CGB7: variants seen among roughly 807,000 people sequenced by gnomAD.
The protein encoded by CGB7 is chorionic gonadotropin subunit beta 7.
In CGB7, 6 loss-of-function variants were observed where a neutral mutation model predicts 7.3. The ratio of observed to expected loss-of-function variants is 0.82; its 90% CI spans 0.45 to 1.62. The LOEUF (loss-of-function observed/expected upper bound fraction) is 1.62, where lower values mean the gene tolerates loss of function less well. Among genes scored for constraint, CGB7 ranks in the 40% most tolerant of loss-of-function variants. CGB7 has a pLI of 0.01. For synonymous variants in CGB7, 47 were observed against 100.8 expected (o/e 0.47, Z 3.20); for missense variants, 114 against 236.2 (o/e 0.48, Z 3.39).
chr19:49,055,072 C>T (rs1380026643), intron 3 of CGB7, 64 bp from the exon 4 acceptor site: 8 of 1,600,294 alleles, frequency 5.0e-6, no homozygotes, highest in Admixed American at 1.7e-5. Context: ...GCCTTCCCAT[C>T]CCCCAGGGTA....
rs1282938672 is a variant in CGB7 at position 49,054,322 on chromosome 19, C to T, written c.467G>A (p.Gly156Glu). 2 of 1,609,008 alleles carry T rather than the reference C, an allele frequency of 1.2e-6. No homozygotes were observed. The highest frequency in any genetic ancestry group is 1.7e-6 in the Non-Finnish European group (2 of 1,178,408). The change falls in exon 5 of 5, where the codon GGG becomes GAG. Residue 156 changes from glycine (G) to glutamate (E), a missense_variant. Physicochemically the swap from Gly to Glu is moderately conservative, Grantham distance 98. Around this residue, in one of 3 missense-constraint regions of CGB7, gnomAD observed 20 missense variants for 18.4 expected, o/e 1.08. Coordinates refer to ENST00000684222, the MANE Select transcript of CGB7 (RefSeq NM_001385261.1). ...TGGGAGGATCGGGGTGTCTGAGGGC[C>T]CCGGGAGTCGGGATGGACTTGGAAG... The part of the protein sequence containing the change: ...PSLPSPSRLP[G>E]PSDTPILPQ
chr19:49,055,402 C>T lies in CGB7; in HGVS notation c.-27G>A, dbSNP rs185438033. The T allele has an allele frequency of 2.9e-5, 47 of 1,613,524 alleles. No homozygotes were observed. The East Asian group carries it at 1.0e-3, about 34-fold the overall frequency. On this transcript the variant is annotated 5_prime_UTR_variant, in exon 3 of 5. Coordinates refer to ENST00000684222, the MANE Select transcript of CGB7 (RefSeq NM_001385261.1). ...CTTGGTGCGTCCCCTGCCTGGTGTA[C>T]CTGGCTTTATACCTCGGGTTTGTGG...
chr19:49,055,284 C>A, intron 3 of CGB7, 77 bp downstream of exon 3: 1 of 1,608,256 alleles, frequency 6.2e-7, no homozygotes, highest in Admixed American at 1.7e-5. Context: ...TTCCACAGCT[C>A]ACACTGGTCT....
Position 49,055,924 on chromosome 19 carries a change from C to T in CGB7, c.-549G>A. The T allele has an allele frequency of 9.1e-7, 1 of 1,098,722 alleles. No homozygotes were observed. Among genetic ancestry groups the T allele is most frequent in the Non-Finnish European group, 1.1e-6 (1 of 894,156 alleles). The allele number at this position is 1,098,722 out of a possible 1,614,324, so 68.1% of individuals were successfully genotyped here. A position where few individuals can be genotyped will look rare whatever the true frequency, so the allele number is the denominator to read the frequency against. On this transcript the variant is annotated 5_prime_UTR_variant, in exon 3 of 5. Transcript: ENST00000684222. ...GGATTCAGCCCGAGCCCCACCTCTC[C>T]CTTAGGAACCTCCGCCCACCCTACC...
chr19:49,057,298 C>G, intron 1 of CGB7, 50 bp from the exon 2 acceptor site: 2 of 1,499,362 alleles, frequency 1.3e-6, no homozygotes, highest in East Asian at 2.5e-5. Context: ...ATTTCATACC[C>G]CATCCCAAGT....
In CGB7 at chr19:49,054,414, G is replaced by A. The variant is rs1267985594; in HGVS notation, c.375C>T (p.Asp125=). 1 of 1,597,148 alleles carries A rather than the reference G, an allele frequency of 6.3e-7. No individual in the cohort carries two copies. The highest frequency in any genetic ancestry group is 1.4e-5 in the African/African-American group (1 of 74,002). The change falls in exon 5 of 5, where the codon GAC becomes GAT. Residue 125 remains aspartate (D), a synonymous_variant. Coordinates refer to ENST00000684222, the MANE Select transcript of CGB7 (RefSeq NM_001385261.1). ...GGGGGTCATCACAGGTCAAGGGGTG[G>A]TCCTTGGGACCCCCGCAGTCAGTGG... ...RSTTDCGGPK[D]HPLTCDDPRF...
At position 49,055,652 on chromosome 19, in the gene CGB7, A is replaced by G. The variant is rs1343980357; in HGVS notation, c.-277T>C. On this transcript the variant is annotated 5_prime_UTR_variant, in exon 3 of 5. Coordinates refer to ENST00000684222, the MANE Select transcript of CGB7 (RefSeq NM_001385261.1). ...CTAGGGACTAGTCGAGGCTGGAGGC[A>G]CAGAGAGTAGGGTGTAGGAAGGCCT... 5 of 1,395,836 alleles carry G rather than the reference A, an allele frequency of 3.6e-6. No individual in the cohort carries two copies. The highest frequency in any genetic ancestry group is 1.5e-5 in the African/African-American group (1 of 68,880). 86.5% of individuals were successfully genotyped at this position (1,395,836 alleles called of 1,614,324 possible).
intron 2 of CGB7, 48 bp from the exon 3 acceptor site, chr19:49,056,643 A>T: frequency 8.2e-7 from 1 of 1,212,734 alleles, no homozygotes; most frequent in Non-Finnish European, 1.1e-6. Flanking sequence ...ATCCTTGGGG[A>T]CGAGTTTCAG....
chr19:49,055,072 C>A (rs1380026643), intron 3 of CGB7, 64 bp from the exon 4 acceptor site: 2 of 1,600,412 alleles, frequency 1.2e-6, no homozygotes, highest in Admixed American at 1.7e-5. Context: ...GCCTTCCCAT[C>A]CCCCAGGGTA....
At position 49,054,599 on chromosome 19, in the gene CGB7, C is replaced by T. The variant is rs1600239419; in HGVS notation, c.190G>A (p.Val64Met). The T allele has an allele frequency of 7.9e-6, 9 of 1,139,964 alleles. No individual in the cohort carries two copies. Among genetic ancestry groups the T allele is most frequent in the East Asian group, 5.2e-5 (2 of 38,282 alleles). 70.6% of individuals were successfully genotyped at this position (1,139,964 alleles called of 1,614,324 possible). Reference sequence around the variant, plus strand: ...AGGGCCGGCAGGACCCCCTGCAGCACGCGGGTCTGGAAGCCGTGTGAGTGG... The same window carrying T: ...AGGGCCGGCAGGACCCCCTGCAGCATGCGGGTCTGGAAGCCGTGTGAGTGG... Reference protein sequence around the residue: ...CAGYCPTMTRVLQGVLPALPQ... With the variant: ...CAGYCPTMTRMLQGVLPALPQ... Residue 64 changes from valine (V) to methionine (M), a missense_variant, in exon 5 of 5, where the codon GTG becomes ATG. Val to Met is a conservative substitution (Grantham distance 21). Coordinates refer to ENST00000684222, the MANE Select transcript of CGB7 (RefSeq NM_001385261.1).
Position 49,056,203 on chromosome 19 carries a change from CT to C in CGB7, c.-829del, listed in dbSNP as rs2040060377. 7.9e-7 allele frequency: 1 copy of C among 1,272,734 alleles called. No homozygotes were observed. Among genetic ancestry groups the C allele is most frequent in the South Asian group, 1.2e-5 (1 of 80,540 alleles). The allele number at this position is 1,272,734 out of a possible 1,614,324, so 78.8% of individuals were successfully genotyped here. Reference sequence around the variant, plus strand: ...AGGTCCGACACCGCGTAGTGAGCGGCTGCCCAGAGCTCTGCTCCGCCCCCAC... The same window carrying C: ...AGGTCCGACACCGCGTAGTGAGCGGCGCCCAGAGCTCTGCTCCGCCCCCAC... On this transcript the variant is annotated 5_prime_UTR_variant, in exon 3 of 5. The change abolishes the stop of an existing upstream ORF in the 5' untranslated region. Transcript: ENST00000684222.
In CGB7 at chr19:49,056,152, T is replaced by G. The variant is rs1181214883; in HGVS notation, c.-777A>C. ...GCTAGTCCTGTCCCCACACTGCGGA[T>G]AGACTTAATGAGTGCGAGCCCACCT... On this transcript the variant is annotated 5_prime_UTR_variant, in exon 3 of 5. Coordinates refer to ENST00000684222, the MANE Select transcript of CGB7 (RefSeq NM_001385261.1). 1 of 1,223,862 alleles carries G rather than the reference T, an allele frequency of 8.2e-7. No individual in the cohort carries two copies. The highest frequency in any genetic ancestry group is 1.4e-5 in the South Asian group (1 of 73,152). The allele number at this position is 1,223,862 out of a possible 1,614,324, so 75.8% of individuals were successfully genotyped here. A position where few individuals can be genotyped will look rare whatever the true frequency, so the allele number is the denominator to read the frequency against.
rs369395486 is a variant in CGB7 at position 49,056,506 on chromosome 19, C to G, written c.-1131G>C. ...CCTGGAAGAGCAGAGACAGGGCTGCCGCTGCGGGTCGTGACTCCAGAGTTG... is the reference window on the plus strand; with the variant it reads ...CCTGGAAGAGCAGAGACAGGGCTGCGGCTGCGGGTCGTGACTCCAGAGTTG... On this transcript the variant is annotated 5_prime_UTR_variant, in exon 3 of 5. Coordinates refer to ENST00000684222, the MANE Select transcript of CGB7 (RefSeq NM_001385261.1). 1.1e-4 allele frequency: 140 copies of G among 1,302,362 alleles called. No homozygotes were observed. Among genetic ancestry groups the G allele is most frequent in the Non-Finnish European group, 1.4e-4 (136 of 997,570 alleles). 80.7% of individuals were successfully genotyped at this position (1,302,362 alleles called of 1,614,324 possible). A position where few individuals can be genotyped will look rare whatever the true frequency, so the allele number is the denominator to read the frequency against.
At position 49,056,364 on chromosome 19, in the gene CGB7, G is replaced by A. The variant is rs180975116; in HGVS notation, c.-989C>T. 3.3e-4 allele frequency: 425 copies of A among 1,295,642 alleles called. 3 individuals are homozygous for A. The African/African-American group carries it at 4.4e-3, about 14-fold the overall frequency. The allele number at this position is 1,295,642 out of a possible 1,614,324, so 80.3% of individuals were successfully genotyped here. ...ATGCCCGGCAGGGGCTTCCAGTGGG[G>A]GCCACCCCAAGTCGCCTCCAGCGGG... On this transcript the variant is annotated 5_prime_UTR_variant, in exon 3 of 5. Transcript: ENST00000684222.
intron 3 of CGB7, 93 bp from the exon 4 acceptor site, chr19:49,055,101 A>C: frequency 6.3e-7 from 1 of 1,596,880 alleles, no homozygotes; most frequent in South Asian, 1.1e-5. Flanking sequence ...ACAAAGACCC[A>C]GAGACCCTTC....
chr19:49,056,291 C>G lies in CGB7; in HGVS notation c.-916G>C. The stretch of plus-strand genomic sequence containing the variant: ...GGCTCCCACTAGCCCCGGCTTACAG[C>G]GGCCTGAGCGGGAGTTCTCGGTGCT... On this transcript the variant is annotated 5_prime_UTR_variant, in exon 3 of 5. Transcript: ENST00000684222. The G allele has an allele frequency of 7.7e-7, 1 of 1,292,030 alleles. No homozygotes were observed. The highest frequency in any genetic ancestry group is 1.0e-6 in the Non-Finnish European group (1 of 990,220). The allele number at this position is 1,292,030 out of a possible 1,614,324, so 80.0% of individuals were successfully genotyped here.
At position 49,057,223 on chromosome 19, in the gene CGB7, G is replaced by C. The variant is rs900569495; in HGVS notation, c.-1323C>G. The stretch of plus-strand genomic sequence containing the variant: ...TGTGAAGGGTGGGCCAGACAGCGCG[G>C]GGTTCTTCGTGCAGGCGATTAGAGC... On this transcript the variant is annotated 5_prime_UTR_variant, in exon 2 of 5. Transcript: ENST00000684222. 5 of 1,533,916 alleles carry C rather than the reference G, an allele frequency of 3.3e-6. No individual in the cohort carries two copies. The African/African-American group carries it at 6.9e-5, about 21-fold the overall frequency.
chr19:49,055,800 A>C lies in CGB7; in HGVS notation c.-425T>G, dbSNP rs538459965. 9.1e-7 allele frequency: 1 copy of C among 1,101,424 alleles called. No individual in the cohort carries two copies. The highest frequency in any genetic ancestry group is 2.6e-5 in the South Asian group (1 of 38,534). The allele number at this position is 1,101,424 out of a possible 1,614,324, so 68.2% of individuals were successfully genotyped here. A position where few individuals can be genotyped will look rare whatever the true frequency, so the allele number is the denominator to read the frequency against. On this transcript the variant is annotated 5_prime_UTR_variant, in exon 3 of 5. Transcript: ENST00000684222. ...CTGCACCACAGTCCAACCTAACAGG[A>C]GGGGCGCGGCTTCGGACTTAGCTTC...
chr19:49,057,032 A>G, intron 2 of CGB7, 89 bp downstream of exon 2: 3 of 1,367,354 alleles, frequency 2.2e-6, no homozygotes, highest in Non-Finnish European at 3.0e-6. Flanking sequence ...ACCACCGGTC[A>G]GGGAATGGGA....
Sources: gnomAD v4.1 joint callset for allele counts on GRCh38, gnomAD v4.1.1 for gene constraint, gnomAD v4.1.1 regional missense constraint, MANE v1.5 for transcripts, NCBI Gene and HGNC (gene_info 2026-07-23, HGNC 2026-07-21) for gene names.